Variants in GRM7 observed in about 807,000 individuals in gnomAD.
GRM7 encodes the protein metabotropic glutamate receptor 7.
A neutral mutation model predicts 84.5 loss-of-function variants in GRM7; 35 were observed. The ratio of observed to expected loss-of-function variants is 0.41; its 90% confidence interval spans 0.32 to 0.55. The LOEUF (loss-of-function observed/expected upper bound fraction) is 0.55, where lower values mean the gene tolerates loss of function less well. Ranked by LOEUF, GRM7 falls within the 20% of genes least tolerant of loss-of-function variation. GRM7 has a pLI of 0.19. For synonymous variants in GRM7, 487 were observed against 455.1 expected (o/e 1.07, Z -0.89); for missense variants, 1,003 against 1,194.6 (o/e 0.84, Z 2.36).
At chr3:7,478,992 G>A (rs1340829023) in intron 7 of GRM7, among the ~76,000 whole-genome samples, 1 of 152,118 alleles carries the variant, frequency 6.6e-6, no homozygotes, top group African/African-American at 2.4e-5. Context: ...ATAGTACAGA[G>A]ATGGAAAGAG....
rs976531799 is a variant in GRM7, at chr3:7,176,610, A to G, written c.736+29942A>G. On this transcript the variant is annotated intron_variant, in intron 2 of 9. Coordinates refer to ENST00000357716, the MANE Select transcript of GRM7 (RefSeq NM_000844.4). ...TATTAAGTAATTTTTAATATTGCCT[A>G]GAAAGGTAAGCTAAGTAGTTGAATT... Among the ~76,000 whole-genome samples the G allele has an allele frequency of 4.6e-5, 7 of 152,338 alleles. 1 individual carries two copies. Among genetic ancestry groups the G allele is most frequent in the Middle Eastern group, 3.4e-3 (1 of 294 alleles).
At chr3:7,495,629 T>A (rs75744290) in intron 7 of GRM7, among the ~76,000 whole-genome samples, 13,361 of 152,210 alleles carry the variant, frequency 0.088, 758 homozygotes, top group South Asian at 0.12. Flanking sequence ...AAAGTCCCTC[T>A]CCCGATTGCT....
chr3:7,365,671 A>G (rs1205002293), intron 4 of GRM7, among the ~76,000 whole-genome samples: 3 of 143,368 alleles, frequency 2.1e-5, no homozygotes, highest in Admixed American at 1.4e-4. Context: ...ATATACACAC[A>G]CGCACACACA....
At chr3:6,956,311 G>A (rs1693046153) in intron 1 of GRM7, among the ~76,000 whole-genome samples, 1 of 152,132 alleles carries the variant, frequency 6.6e-6, no homozygotes, top group Non-Finnish European at 1.5e-5. Context: ...ATTCTACTAT[G>A]GGTGTTAGTG....
chr3:7,482,864 C>A (rs1263264872), intron 7 of GRM7, among the ~76,000 whole-genome samples: 1 of 152,008 alleles, frequency 6.6e-6, no homozygotes, highest in Non-Finnish European at 1.5e-5. Context: ...TGCTGTGTTG[C>A]GTCATTTGGT....
intron 5 of GRM7, among the ~76,000 whole-genome samples, chr3:7,449,484 T>C (rs914965327): frequency 2.6e-5 from 4 of 152,146 alleles, no homozygotes; most frequent in African/African-American, 7.2e-5. Flanking sequence ...ATAAATTTTA[T>C]TGGAAGAAAT....
intron 8 of GRM7, among the ~76,000 whole-genome samples, chr3:7,640,355 C>T (rs754140899): frequency 1.3e-5 from 2 of 152,208 alleles, no homozygotes; most frequent in African/African-American, 4.8e-5. Context: ...ATATCTATGG[C>T]ACTTTATATT....
intron 7 of GRM7, among the ~76,000 whole-genome samples, chr3:7,570,354 A>G (rs954531830): frequency 2.0e-5 from 3 of 152,316 alleles, no homozygotes; most frequent in Admixed American, 2.0e-4. Context: ...GAGCCTGTAA[A>G]ATAAAATAAA....
rs1695614381 is a variant in GRM7, at chr3:7,188,943, G to A, written c.736+42275G>A. 6.6e-6 allele frequency among the ~76,000 whole-genome samples: 1 copy of A among 152,192 alleles called. No individual in the cohort carries two copies. Among genetic ancestry groups the A allele is most frequent in the African/African-American group, 2.4e-5 (1 of 41,450 alleles). ...TTCTATTGTCAATAGCTGGATGGAT[G>A]TGTGTGGACTCATCTAGGAACAAAG... On this transcript the variant is annotated intron_variant, in intron 2 of 9. Coordinates refer to ENST00000357716, the MANE Select transcript of GRM7 (RefSeq NM_000844.4). The surrounding 1 kb of genome is among the most constrained non-coding windows in gnomAD (Gnocchi z 4.2).
intron 1 of GRM7, among the ~76,000 whole-genome samples, chr3:7,144,373 A>G (rs1694042737): frequency 6.6e-6 from 1 of 152,200 alleles, no homozygotes; most frequent in Non-Finnish European, 1.5e-5. Context: ...CAATGCATAT[A>G]AAACTTTTAG....
At chr3:6,870,041 C>T (rs74285810) in intron 1 of GRM7, among the ~76,000 whole-genome samples, 10,573 of 151,682 alleles carry the variant, frequency 0.07, 478 homozygotes, top group East Asian at 0.18. Context: ...TTTTGCTTCT[C>T]CCTCTCTTCT....
intron 1 of GRM7, among the ~76,000 whole-genome samples, chr3:7,097,129 T>G (rs1698885413): frequency 6.6e-6 from 1 of 152,146 alleles, no homozygotes; most frequent in Non-Finnish European, 1.5e-5. Flanking sequence ...TGGTCAACAC[T>G]GAGTTGATCA....
intron 2 of GRM7, among the ~76,000 whole-genome samples, chr3:7,158,498 TA>T (rs1281679711): frequency 6.6e-6 from 1 of 152,070 alleles, no homozygotes; most frequent in Non-Finnish European, 1.5e-5. Context: ...CTCCCCACCC[TA>T]CTCCATGTAG....
chr3:7,614,386 T>C (rs894769177), intron 8 of GRM7, among the ~76,000 whole-genome samples: 1 of 152,186 alleles, frequency 6.6e-6, no homozygotes, highest in African/African-American at 2.4e-5. Flanking sequence ...CCCTCTGTAG[T>C]TTGGAGAAGA....
intron 8 of GRM7, among the ~76,000 whole-genome samples, chr3:7,603,042 C>T (rs1344355959): frequency 7.9e-5 from 12 of 152,216 alleles, no homozygotes; most frequent in Admixed American, 7.9e-4. Context: ...TCACAGGCCT[C>T]TGATTTCCTA....
At chr3:7,264,446 C>T (rs944336885) in intron 2 of GRM7, among the ~76,000 whole-genome samples, 1 of 152,098 alleles carries the variant, frequency 6.6e-6, no homozygotes, top group Non-Finnish European at 1.5e-5. Context: ...TGCCAGGATT[C>T]CAGAGGCCTG....
rs188344466 is a variant in GRM7, at chr3:7,188,962, A to G, written c.736+42294A>G. On this transcript the variant is annotated intron_variant, in intron 2 of 9. Coordinates refer to ENST00000357716, the MANE Select transcript of GRM7 (RefSeq NM_000844.4). This position sits in a 1 kb window ranked among gnomAD's most constrained non-coding sequence, Gnocchi z 4.2. ...ATGGATGTGTGTGGACTCATCTAGG[A>G]ACAAAGAGCCTAGGAGCTGTACTTT... Among the ~76,000 whole-genome samples, 11 of 152,304 alleles carry G rather than the reference A, an allele frequency of 7.2e-5. No individual in the cohort carries two copies. The East Asian group carries it at 2.1e-3, about 29-fold the overall frequency.
At chr3:7,701,778 C>T (rs1026937744) in intron 9 of GRM7, among the ~76,000 whole-genome samples, 1 of 152,154 alleles carries the variant, frequency 6.6e-6, no homozygotes, top group Admixed American at 6.5e-5. Context: ...CTAAGTTCAA[C>T]AGAACACAGT....
At chr3:7,414,517 A>G (rs1485134432) in intron 4 of GRM7, among the ~76,000 whole-genome samples, 2 of 152,218 alleles carry the variant, frequency 1.3e-5, no homozygotes, top group East Asian at 3.9e-4. Flanking sequence ...GAAGCTAGAG[A>G]GTTCCTGGCG....
Sources: gnomAD v4.1 joint callset for allele counts (sites outside exome capture counted in the v4.1 genomes callset) on GRCh38, gnomAD v4.1.1 for gene constraint, Gnocchi (gnomAD v3.1) non-coding constraint, MANE v1.5 for transcripts, NCBI Gene and HGNC (gene_info 2026-07-23, HGNC 2026-07-21) for gene names.